CLSTN2: variants seen among roughly 807,000 people sequenced by gnomAD.
CLSTN2 encodes the protein calsyntenin 2.
A neutral mutation model predicts 101.2 loss-of-function variants in CLSTN2; 48 were observed. The ratio of observed to expected loss-of-function variants is 0.47; its 90% CI spans 0.38 to 0.60. CLSTN2 has a LOEUF of 0.60. Ranked by LOEUF, CLSTN2 falls within the 20% of genes least tolerant of loss-of-function variation. The probability of loss-of-function intolerance (pLI) is 0.00; values close to 1 mark genes in which losing one functional copy is unlikely to be tolerated. For missense variants in CLSTN2, 1,160 were observed against 1,238.2 expected (o/e 0.94, Z 0.95); for synonymous variants, 481 against 463.6 (o/e 1.04, Z -0.48).
At chr3:140,145,805 A>T (rs757009278) in intron 1 of CLSTN2, among the ~76,000 whole-genome samples, 31 of 152,234 alleles carry the variant, frequency 2.0e-4, no homozygotes, top group Non-Finnish European at 2.9e-5. Context: ...TGGGTTCAAA[A>T]AATATTCTTG....
rs1934984831 is a variant in CLSTN2, at chr3:140,519,524, G to A, written c.1345-12800G>A. On this transcript the variant is annotated intron_variant, in intron 8 of 16. Transcript: ENST00000458420. ...TATGAATATGGTTCTCCTGTATTGA[G>A]TGCATATATATTTAGGATAGTTAGC... Among the ~76,000 whole-genome samples the A allele has an allele frequency of 2.0e-5, 3 of 152,178 alleles. No individual in the cohort carries two copies. The South Asian group carries it at 6.2e-4, about 31-fold the overall frequency.
chr3:140,495,410 G>C (rs1934445036), intron 8 of CLSTN2, among the ~76,000 whole-genome samples: 1 of 152,122 alleles, frequency 6.6e-6, no homozygotes, highest in Non-Finnish European at 1.5e-5. Flanking sequence ...CATTCTATAG[G>C]TTGTCTGTTC....
intron 2 of CLSTN2, among the ~76,000 whole-genome samples, chr3:140,393,882 G>T (rs2088150078): frequency 6.6e-6 from 1 of 152,166 alleles, no homozygotes; most frequent in African/African-American, 2.4e-5. Context: ...TAAAAATTTA[G>T]ATATTACAAA....
intron 1 of CLSTN2, among the ~76,000 whole-genome samples, chr3:139,952,400 T>C (rs1191378591): frequency 1.3e-5 from 2 of 152,202 alleles, no homozygotes; most frequent in African/African-American, 4.8e-5. Flanking sequence ...AGTGTCCTCA[T>C]GCCCACTCTT....
At chr3:139,965,890 T>C (rs1935590625) in intron 1 of CLSTN2, among the ~76,000 whole-genome samples, 1 of 152,216 alleles carries the variant, frequency 6.6e-6, no homozygotes, top group Non-Finnish European at 1.5e-5. Context: ...CCCACTCTTC[T>C]TCAAAATCAA....
At chr3:140,289,642 A>G (rs1196138753) in intron 2 of CLSTN2, among the ~76,000 whole-genome samples, 1 of 152,130 alleles carries the variant, frequency 6.6e-6, no homozygotes, top group Non-Finnish European at 1.5e-5. Flanking sequence ...TCATTAACAG[A>G]CAATGGGTGA....
intron 2 of CLSTN2, among the ~76,000 whole-genome samples, chr3:140,383,041 A>G (rs1005347018): frequency 6.6e-6 from 1 of 152,252 alleles, no homozygotes; most frequent in African/African-American, 2.4e-5. Flanking sequence ...ACAAAGAGGA[A>G]ACACCAGAAG....
At chr3:140,073,958 G>T (rs894514521) in intron 1 of CLSTN2, among the ~76,000 whole-genome samples, 1 of 152,126 alleles carries the variant, frequency 6.6e-6, no homozygotes, top group Admixed American at 6.5e-5. Flanking sequence ...TCGGCTCTCT[G>T]GTGGTCAAGG....
At chr3:140,537,957 C>T (rs956373531) in intron 9 of CLSTN2, among the ~76,000 whole-genome samples, 9 of 152,138 alleles carry the variant, frequency 5.9e-5, no homozygotes, top group African/African-American at 2.2e-4. Context: ...TGCTGCAGCA[C>T]GTGGAGGTCC....
chr3:139,972,926 T>C (rs1935740669), intron 1 of CLSTN2, among the ~76,000 whole-genome samples: 1 of 152,212 alleles, frequency 6.6e-6, no homozygotes, highest in Non-Finnish European at 1.5e-5. Context: ...GCTCAGAATT[T>C]TTTCTGCATA....
At chr3:140,022,622 A>C (rs906872288) in intron 1 of CLSTN2, among the ~76,000 whole-genome samples, 1 of 152,178 alleles carries the variant, frequency 6.6e-6, no homozygotes, top group Non-Finnish European at 1.5e-5. Context: ...TGCTGGAGGC[A>C]ATGGGGAGGG....
chr3:140,518,467 G>GC (rs1934963186), intron 8 of CLSTN2, among the ~76,000 whole-genome samples: 3 of 152,294 alleles, frequency 2.0e-5, no homozygotes, highest in African/African-American at 7.2e-5. Context: ...ATCTTAGAGA[G>GC]CCCCCAGGGC....
At chr3:139,965,292 A>T (rs540205488) in intron 1 of CLSTN2, among the ~76,000 whole-genome samples, 1 of 152,336 alleles carries the variant, frequency 6.6e-6, no homozygotes, top group South Asian at 2.1e-4. Flanking sequence ...TTGGTATACC[A>T]GGCAGTCTCT....
At chr3:140,466,508 T>A in intron 7 of CLSTN2, 102 bp from the exon 8 acceptor site, 2 of 1,430,444 alleles carry the variant, frequency 1.4e-6, no homozygotes, top group Non-Finnish European at 1.9e-6. Context: ...TGCCCATGCC[T>A]TTGTCCTCTG....
At chr3:140,555,653 A>G (rs28478849) in intron 10 of CLSTN2, among the ~76,000 whole-genome samples, 19,643 of 152,248 alleles carry the variant, frequency 0.13, 1,381 homozygotes, top group African/African-American at 0.16. Context: ...GAATTCACAG[A>G]TATGTTTCTG....
rs1295361694 is a variant in CLSTN2, at chr3:140,570,936, T to C, written c.*4683T>C. 6.6e-6 allele frequency: 1 copy of C among 152,260 alleles called. No individual in the cohort carries two copies. Among genetic ancestry groups the C allele is most frequent in the Non-Finnish European group, 1.5e-5 (1 of 68,060 alleles). 9.4% of individuals were successfully genotyped at this position (152,260 alleles called of 1,614,324 possible). ...ACAACAGGAAAAAGTGCCATAGTTT[T>C]TAATTAAGCTGTTTTAAAAGTCCAT... On this transcript the variant is annotated 3_prime_UTR_variant, in exon 17 of 17. Transcript: ENST00000458420.
chr3:140,369,535 C>A (rs746671746), intron 2 of CLSTN2, among the ~76,000 whole-genome samples: 6 of 151,918 alleles, frequency 3.9e-5, no homozygotes, highest in Non-Finnish European at 7.4e-5. Context: ...CCTCTGGACA[C>A]AAACAAAATC....
At chr3:140,016,258 T>G (rs1422069706) in intron 1 of CLSTN2, among the ~76,000 whole-genome samples, 1 of 152,216 alleles carries the variant, frequency 6.6e-6, no homozygotes, top group Non-Finnish European at 1.5e-5. Flanking sequence ...TCCCTCAGTC[T>G]GCCAGGCCAA....
intron 1 of CLSTN2, among the ~76,000 whole-genome samples, chr3:140,166,787 ACAT>A (rs2010141661): frequency 1.3e-5 from 2 of 152,196 alleles, no homozygotes; most frequent in South Asian, 4.1e-4. Context: ...AAATGCTGAA[ACAT>A]CATGGAAAAG....
Sources: gnomAD v4.1 joint callset for allele counts (sites outside exome capture counted in the v4.1 genomes callset) on GRCh38, gnomAD v4.1.1 for gene constraint, MANE v1.5 for transcripts, NCBI Gene and HGNC (gene_info 2026-07-23, HGNC 2026-07-21) for gene names.